The following LIMS2 variants were observed in gnomAD, a reference collection of about 807,000 sequenced individuals.
LIMS2 encodes LIM zinc finger domain containing 2.
In LIMS2, 30 loss-of-function variants were observed where a neutral mutation model predicts 45.3. The observed-to-expected ratio is 0.66, with a 90% CI of 0.50 to 0.90. The LOEUF is 0.90. LIMS2 is among the 40% of genes least tolerant of loss of function. The probability of loss-of-function intolerance (pLI) is 0.00; values close to 1 mark genes in which losing one functional copy is unlikely to be tolerated. For missense variants in LIMS2, 485 were observed against 468.7 expected (o/e 1.03, Z -0.32); for synonymous variants, 173 against 188.0 (o/e 0.92, Z 0.65).
chr2:127,660,677 G>A (rs73954688), intron 1 of LIMS2, among the ~76,000 whole-genome samples: 5,924 of 142,658 alleles, frequency 0.042, 206 homozygotes, highest in African/African-American at 0.12. Flanking sequence ...AACACTCACC[G>A]TGAGGGTCCA....
chr2:127,673,917 T>A (rs537070315), intron 1 of LIMS2: 11 of 615,808 alleles, frequency 1.8e-5, no homozygotes, highest in South Asian at 1.7e-4. Flanking sequence ...GGCCAAGGCT[T>A]AGAGGTGACT....
chr2:127,648,042 C>T, intron 4 of LIMS2: 1 of 985,924 alleles, frequency 1.0e-6, no homozygotes, highest in East Asian at 1.1e-4. Context: ...CTCACCCCGC[C>T]TTCTTCGGCC....
intron 4 of LIMS2, among the ~76,000 whole-genome samples, chr2:127,648,747 C>T (rs1683266660): frequency 6.6e-6 from 1 of 151,826 alleles, no homozygotes; most frequent in South Asian, 2.1e-4. Context: ...CATGGCAAAA[C>T]CGTCTCTACC....
At chr2:127,650,493 T>TCCAAGC (rs1437991410) in intron 4 of LIMS2, 1 of 568,452 alleles carries the variant, frequency 1.8e-6, no homozygotes, top group East Asian at 2.9e-5. Context: ...GCGGCGAAAT[T>TCCAAGC]CCAAGCCCTG....
chr2:127,647,579 C>T lies in LIMS2; in HGVS notation c.360-4507G>A, dbSNP rs1372245956. 2.6e-5 allele frequency among the ~76,000 whole-genome samples: 4 copies of T among 152,124 alleles called. No individual in the cohort carries two copies. Among genetic ancestry groups the T allele is most frequent in the African/African-American group, 7.2e-5 (3 of 41,412 alleles). On this transcript the variant is annotated intron_variant, in intron 4 of 9. Coordinates refer to ENST00000355119, the MANE Select transcript of LIMS2 (RefSeq NM_001161403.3). This position sits in a 1 kb window ranked among gnomAD's most constrained non-coding sequence, Gnocchi z 4.3. ...GGCACAGCACAGGCCTGAGGGACAGCCTGGGGTGGAGGGCACCCACCTTGG... is the reference window on the plus strand; with the variant it reads ...GGCACAGCACAGGCCTGAGGGACAGTCTGGGGTGGAGGGCACCCACCTTGG...
At position 127,675,021 on chromosome 2, in the gene LIMS2, T is replaced by G; in HGVS notation, c.4A>C (p.Thr2Pro). Reference protein sequence around the residue: MTGSNMSDALAN... With the variant: MPGSNMSDALAN... ...GTGGGTGGGGGCCGTTACCTTCCCG[T>G]CATGGTGGCAGCGACGCCGAGCCCT... is the stretch of plus-strand genomic sequence containing the variant. Residue 2 changes from threonine to proline, a missense_variant, in exon 1 of 10, where the codon ACG (threonine) becomes CCG (proline). By Grantham distance (38) the Thr-to-Pro change is conservative. Transcript: ENST00000355119. 8.1e-7 allele frequency: 1 copy of G among 1,229,836 alleles called. No homozygotes were observed. The highest frequency in any genetic ancestry group is 4.1e-5 in the South Asian group (1 of 24,336). The allele number at this position is 1,229,836 out of a possible 1,614,324, so 76.2% of individuals were successfully genotyped here. A position where few individuals can be genotyped will look rare whatever the true frequency, so the allele number is the denominator to read the frequency against.
intron 1 of LIMS2, among the ~76,000 whole-genome samples, chr2:127,665,567 T>G (rs184175232): frequency 4.6e-5 from 7 of 152,304 alleles, no homozygotes; most frequent in Non-Finnish European, 5.9e-5. Context: ...AAATAGTTTT[T>G]AAAGGTGGCC....
At chr2:127,674,466 G>A (rs1315422525) in intron 1 of LIMS2, 3 of 240,260 alleles carry the variant, frequency 1.2e-5, no homozygotes, top group African/African-American at 7.0e-5. Context: ...GGTGGGCCAG[G>A]CCCAGGGGAG....
chr2:127,673,940 A>G, intron 1 of LIMS2: 1 of 574,560 alleles, frequency 1.7e-6, no homozygotes, highest in Non-Finnish European at 3.1e-6. Flanking sequence ...AAGTCAGGGG[A>G]GCTAACTGGG....
At chr2:127,679,157 G>A (rs1447608114), upstream of LIMS2, among the ~76,000 whole-genome samples, 1 of 152,146 alleles carries the variant, frequency 6.6e-6, no homozygotes, top group Non-Finnish European at 1.5e-5. This position sits in a 1 kb window ranked among gnomAD's most constrained non-coding sequence, Gnocchi z 5.3. Flanking sequence ...CCCTTGGAGT[G>A]AGGGGCCTGA....
chr2:127,662,625 CTTGTGGGGTGGGGGGTGGGGG>C (rs1558896827), intron 1 of LIMS2, among the ~76,000 whole-genome samples: 1 of 59,224 alleles, frequency 1.7e-5, no homozygotes, highest in Non-Finnish European at 3.1e-5. Context: ...ACCAGAGGCT[CTTGTGGGGTGGGGGGTGGGGG>C]GTGGGGGGTG....
intron 1 of LIMS2, among the ~76,000 whole-genome samples, chr2:127,662,512 G>A (rs1329508290): frequency 6.6e-6 from 1 of 151,908 alleles, no homozygotes; most frequent in Non-Finnish European, 1.5e-5. Context: ...CAAAAAGCCA[G>A]CCCACCATGG....
Position 127,654,411 on chromosome 2 carries a change from AC to A in LIMS2, c.359+12del. The A allele has an allele frequency of 6.2e-7, 1 of 1,613,906 alleles. No homozygotes were observed. Among genetic ancestry groups the A allele is most frequent in the Non-Finnish European group, 8.5e-7 (1 of 1,179,950 alleles). ...GTGGCCCAGTCCTCTCTGGCCCAAC[AC>A]GGCCACCTCACCTGCCGGCATTCTT... On this transcript the variant is annotated intron_variant, in intron 4 of 9. Transcript: ENST00000355119.
In LIMS2 at chr2:127,671,926, C is replaced by T. The variant is rs1232973019; in HGVS notation, c.11+3088G>A. The stretch of plus-strand genomic sequence containing the variant: ...CTAGCTGCAGTCAGCTGCCCCTTGG[C>T]CGACACCTTCTGCCTAGGGGACCAC... On this transcript the variant is annotated intron_variant, in intron 1 of 9. Transcript: ENST00000355119. This position sits in a 1 kb window ranked among gnomAD's most constrained non-coding sequence, Gnocchi z 4.1. Among the ~76,000 whole-genome samples, 1 of 152,338 alleles carries T rather than the reference C, an allele frequency of 6.6e-6. No homozygotes were observed. Among genetic ancestry groups the T allele is most frequent in the East Asian group, 1.9e-4 (1 of 5,178 alleles).
chr2:127,650,963 C>T (rs150093829), intron 4 of LIMS2: 44 of 1,613,758 alleles, frequency 2.7e-5, no homozygotes, highest in East Asian at 8.9e-5. Context: ...TGGCCGTGGC[C>T]GACTTGTCGT....
chr2:127,681,447 G>C (rs1558908269), exon 1 of LIMS2: 1 of 152,490 alleles, frequency 6.6e-6, no homozygotes, highest in Non-Finnish European at 1.5e-5. Context: ...CTGAGCAGCC[G>C]CCAGGAGTGT....
chr2:127,651,607 C>T (rs1683804170), intron 4 of LIMS2: 3 of 1,613,408 alleles, frequency 1.9e-6, no homozygotes, highest in South Asian at 2.2e-5. Flanking sequence ...CTCAACGGGG[C>T]ACTCGACCCC....
intron 6 of LIMS2, 74 bp downstream of exon 6, chr2:127,641,975 T>C (rs1421106482): frequency 6.6e-7 from 1 of 1,523,924 alleles, no homozygotes; most frequent in Non-Finnish European, 8.9e-7. Context: ...GTGGAGGAGC[T>C]TTAGGGCTCT....
Position 127,653,388 on chromosome 2 carries a change from G to A in LIMS2, c.359+1036C>T, listed in dbSNP as rs144480040. Among the ~76,000 whole-genome samples the A allele has an allele frequency of 9.6e-3, 1,468 of 152,332 alleles. 13 individuals carry two copies. Among genetic ancestry groups the A allele is most frequent in the Non-Finnish European group, 0.015 (1,042 of 68,038 alleles). On this transcript the variant is annotated intron_variant, in intron 4 of 9. Transcript: ENST00000355119. This position sits in a 1 kb window ranked among gnomAD's most constrained non-coding sequence, Gnocchi z 5.3. ...TCCCAAACTGCTTGTGCCTCATTGC[G>A]TTTGGGATGCCTGGTGGACACCAAG...
Sources: allele counts gnomAD v4.1 joint callset (sites outside exome capture counted in the v4.1 genomes callset), GRCh38; gene constraint gnomAD v4.1.1; non-coding constraint Gnocchi (gnomAD v3.1); transcripts MANE v1.5; gene names NCBI Gene and HGNC (gene_info 2026-07-23, HGNC 2026-07-21).